MTMR3: variants seen among roughly 807,000 people sequenced by gnomAD.
MTMR3 encodes the protein myotubularin related protein 3, also known as phosphatidylinositol-3,5-bisphosphate 3-phosphatase MTMR3.
MTMR3 carries 32 observed loss-of-function variants against 132.4 expected under a neutral mutation model. The ratio of observed to expected loss-of-function variants is 0.24; its 90% CI spans 0.18 to 0.32. MTMR3 has a LOEUF of 0.32. Ranked by LOEUF, MTMR3 falls within the 10% of genes least tolerant of loss-of-function variation. The pLI, the probability that MTMR3 is intolerant of heterozygous loss-of-function variation, is 1.00. For synonymous variants in MTMR3, 556 were observed against 550.3 expected (o/e 1.01, Z -0.14); for missense variants, 1,216 against 1,489.6 (o/e 0.82, Z 3.02).
At chr22:29,888,555 A>T (rs1358347360) in intron 1 of MTMR3, among the ~76,000 whole-genome samples, 1 of 152,176 alleles carries the variant, frequency 6.6e-6, no homozygotes, top group Non-Finnish European at 1.5e-5. Context: ...TGAACTGTTG[A>T]TTTAATGAAC....
In MTMR3 at chr22:30,029,152, T is replaced by G. The variant is rs1171589592; in HGVS notation, c.*3351T>G. On this transcript the variant is annotated 3_prime_UTR_variant, in exon 20 of 20. Coordinates refer to ENST00000401950, the MANE Select transcript of MTMR3 (RefSeq NM_021090.4). ...GCATATGGAGAAAGGCAGTTCTCTG[T>G]GGGCAAGGCCAGCTTGCTTCAGGCT... is the stretch of plus-strand genomic sequence containing the variant. 1 of 152,332 alleles carries G rather than the reference T, an allele frequency of 6.6e-6. No individual in the cohort carries two copies. The highest frequency in any genetic ancestry group is 2.4e-5 in the African/African-American group (1 of 41,448). 9.4% of individuals were successfully genotyped at this position (152,332 alleles called of 1,614,324 possible).
intron 1 of MTMR3, among the ~76,000 whole-genome samples, chr22:29,945,603 G>A (rs1035606624): frequency 2.2e-4 from 33 of 152,002 alleles, no homozygotes; most frequent in African/African-American, 8.0e-4. Context: ...TACTTGGGAG[G>A]CTGAGACAGT....
rs79454538 is a variant in MTMR3, at chr22:29,914,504, T to C, written c.-138+31145T>C. Among the ~76,000 whole-genome samples, 679 of 152,358 alleles carry C rather than the reference T, an allele frequency of 4.5e-3. 6 individuals are homozygous for C. Among genetic ancestry groups the C allele is most frequent in the African/African-American group, 0.015 (641 of 41,584 alleles). ...TATGAGTCCTTCATAACAGGTTTTG[T>C]AAATTACATGTTTTGCAAATATGTT... On this transcript the variant is annotated intron_variant, in intron 1 of 19. Coordinates refer to ENST00000401950, the MANE Select transcript of MTMR3 (RefSeq NM_021090.4).
intron 8 of MTMR3, chr22:29,999,101 G>T: frequency 7.8e-6 from 2 of 255,036 alleles, no homozygotes; most frequent in Non-Finnish European, 1.5e-5. Flanking sequence ...CTAGGCCTCT[G>T]TTTTTTCTGG....
At chr22:29,951,431 C>G (rs2066077850) in intron 1 of MTMR3, among the ~76,000 whole-genome samples, 1 of 152,256 alleles carries the variant, frequency 6.6e-6, no homozygotes, top group South Asian at 2.1e-4. Context: ...GGTTGGTTTA[C>G]TTACAGTTAA....
At chr22:29,978,240 C>T in intron 3 of MTMR3, 4 of 407,424 alleles carry the variant, frequency 9.8e-6, no homozygotes, top group South Asian at 7.3e-5. Flanking sequence ...ATTTTTTTTG[C>T]ATCAATGTGT....
intron 3 of MTMR3, chr22:29,978,241 A>T: frequency 2.4e-6 from 1 of 415,630 alleles, no homozygotes; most frequent in Non-Finnish European, 4.5e-6. Flanking sequence ...TTTTTTTTGC[A>T]TCAATGTGTT....
At chr22:29,965,549 G>T (rs976934999) in intron 2 of MTMR3, among the ~76,000 whole-genome samples, 5 of 152,134 alleles carry the variant, frequency 3.3e-5, no homozygotes, top group African/African-American at 1.2e-4. Context: ...GCCAGGCATG[G>T]TGGCATATGC....
intron 8 of MTMR3, chr22:30,001,151 G>C (rs576823890): frequency 6.6e-6 from 1 of 152,262 alleles, no homozygotes; most frequent in South Asian, 2.1e-4. Flanking sequence ...CAGCACTTTG[G>C]GAGGCCGAGG....
Position 30,022,123 on chromosome 22 carries a change from A to G in MTMR3, c.3320A>G (p.Asp1107Gly). ...TCTGAAGCCAGCTGGGAGCAGGTGG[A>G]TAAACAGGACACAGAGGTACAGGCT... ...IFSEASWEQVDKQDTEMTRWL... is the reference protein window; with the variant it reads ...IFSEASWEQVGKQDTEMTRWL... Residue 1107 changes from aspartate to glycine, a missense_variant, in exon 18 of 20, where the codon GAT becomes GGT. By Grantham distance (94) the Asp-to-Gly change is moderately conservative. Coordinates refer to ENST00000401950, the MANE Select transcript of MTMR3 (RefSeq NM_021090.4). The G allele has an allele frequency of 6.2e-7, 1 of 1,613,496 alleles. No individual in the cohort carries two copies. Among genetic ancestry groups the G allele is most frequent in the Non-Finnish European group, 8.5e-7 (1 of 1,179,402 alleles).
At chr22:29,972,497 C>T (rs2066554729) in intron 3 of MTMR3, among the ~76,000 whole-genome samples, 1 of 152,150 alleles carries the variant, frequency 6.6e-6, no homozygotes, top group Admixed American at 6.6e-5. Flanking sequence ...TGTTTAGTTT[C>T]TCATAAAGTA....
chr22:30,022,745 G>A (rs778800452), intron 19 of MTMR3, 48 bp downstream of exon 19: 2 of 1,525,638 alleles, frequency 1.3e-6, no homozygotes, highest in Non-Finnish European at 1.8e-6. Context: ...GGAGGTTGAG[G>A]GTCGGCCCAC....
chr22:29,988,373 G>T, intron 5 of MTMR3, 107 bp from the exon 6 acceptor site: 1 of 700,930 alleles, frequency 1.4e-6, no homozygotes, highest in African/African-American at 1.8e-5. Flanking sequence ...TTCTATTTTT[G>T]TTGCTTTCCC....
intron 1 of MTMR3, among the ~76,000 whole-genome samples, chr22:29,922,078 G>A (rs1429205032): frequency 6.6e-6 from 1 of 151,416 alleles, no homozygotes; most frequent in Admixed American, 6.6e-5. Context: ...CCAGGCTGCA[G>A]TGCAGTGTCG....
intron 2 of MTMR3, among the ~76,000 whole-genome samples, chr22:29,960,160 T>C (rs1354825378): frequency 6.6e-6 from 1 of 152,128 alleles, no homozygotes; most frequent in Non-Finnish European, 1.5e-5. Context: ...TTAATTAATA[T>C]GTGCCCCAGA....
intron 2 of MTMR3, among the ~76,000 whole-genome samples, chr22:29,962,355 T>G (rs1359749708): frequency 6.6e-6 from 1 of 152,170 alleles, no homozygotes; most frequent in African/African-American, 2.4e-5. Flanking sequence ...CAGTCCATTT[T>G]AGGACCTTTT....
chr22:29,996,373 CCTT>C (rs1390221264), intron 7 of MTMR3: 1 of 152,134 alleles, frequency 6.6e-6, no homozygotes, highest in Non-Finnish European at 1.5e-5. Context: ...GGTTCTAAGT[CCTT>C]CTTTGGGGAA....
intron 2 of MTMR3, among the ~76,000 whole-genome samples, chr22:29,970,496 GC>G (rs2066511624): frequency 9.8e-6 from 1 of 102,042 alleles, no homozygotes; most frequent in Non-Finnish European, 1.8e-5. Context: ...GCCATGACCA[GC>G]TTTTTTTTTT....
intron 2 of MTMR3, among the ~76,000 whole-genome samples, chr22:29,961,159 A>G (rs1320580146): frequency 1.3e-5 from 2 of 152,278 alleles, no homozygotes; most frequent in East Asian, 3.9e-4. Context: ...AGTCTTTGGC[A>G]ATAATAACCC....
Sources: allele counts gnomAD v4.1 joint callset (sites outside exome capture counted in the v4.1 genomes callset), GRCh38; gene constraint gnomAD v4.1.1; transcripts MANE v1.5; gene names NCBI Gene and HGNC (gene_info 2026-07-23, HGNC 2026-07-21).